Variants in CFAP92 observed in about 807,000 individuals in gnomAD.
CFAP92 encodes cilia and flagella associated protein 92 (putative), also known as uncharacterized protein CFAP92.
Under a neutral mutation model 106.3 loss-of-function variants are expected in CFAP92, and 86 were observed. The observed-to-expected ratio is 0.81, with a 90% CI of 0.68 to 0.97. The LOEUF (loss-of-function observed/expected upper bound fraction) is 0.97, where lower values mean the gene tolerates loss of function less well. Among genes scored for constraint, CFAP92 ranks in the 50% least tolerant of loss-of-function variants. The pLI, the probability that CFAP92 is intolerant of heterozygous loss-of-function variation, is 0.00. For missense variants in CFAP92, 1,204 were observed against 1,283.8 expected, an observed-to-expected ratio of 0.94 and a Z score of 0.95; for synonymous variants, 477 against 506.4, an observed-to-expected ratio of 0.94 and a Z score of 0.78.
Position 128,915,259 on chromosome 3 carries a change from G to T in CFAP92, c.3140C>A (p.Ser1047Tyr). The change falls in exon 15 of 16, where the codon TCC becomes TAC. Residue 1047 changes from serine to tyrosine, a missense_variant. Physicochemically the swap from Ser to Tyr is moderately radical, Grantham distance 144. Transcript: ENST00000645291. ...KELNEEWKEN[S>Y]LFANVLEPVL... ...AGGCTCCAGTACATTAGCAAACAGGGAGTTTTCCTTCCACTCCTAAATTGG... is the reference window on the plus strand; with the variant it reads ...AGGCTCCAGTACATTAGCAAACAGGTAGTTTTCCTTCCACTCCTAAATTGG... The T allele has an allele frequency of 6.5e-7, 1 of 1,536,158 alleles. No individual in the cohort carries two copies. The highest frequency in any genetic ancestry group is 8.7e-7 in the Non-Finnish European group (1 of 1,146,910).
At chr3:129,010,431 G>A in the CFAP92 span, among the ~76,000 whole-genome samples, 720 of 152,256 alleles carry the variant, frequency 4.7e-3, 3 homozygotes, top group Non-Finnish European at 7.7e-3. This position sits in a 1 kb window ranked among gnomAD's most constrained non-coding sequence, Gnocchi z 4.3. Context: ...CAGCTCAGCC[G>A]GAACAGGGAG....
At chr3:128,964,170 T>G in intron 9 of CFAP92, among the ~76,000 whole-genome samples, 1 of 152,198 alleles carries the variant, frequency 6.6e-6, no homozygotes, top group East Asian at 1.9e-4. Flanking sequence ...TTATATCCCT[T>G]ACGGTCCTCC....
chr3:128,983,331 CAT>C (rs1167220421), intron 4 of CFAP92, among the ~76,000 whole-genome samples: 1 of 152,202 alleles, frequency 6.6e-6, no homozygotes, highest in Non-Finnish European at 1.5e-5. Flanking sequence ...GAGCCTGTGA[CAT>C]GTGCTGCCCC....
At chr3:128,927,737 A>T (rs1258984848) in intron 12 of CFAP92, among the ~76,000 whole-genome samples, 2 of 151,946 alleles carry the variant, frequency 1.3e-5, no homozygotes, top group East Asian at 3.9e-4. Context: ...AAAAAAAAAA[A>T]AAATTAATTC....
intron 15 of CFAP92, chr3:128,914,751 G>A: frequency 5.2e-6 from 1 of 192,620 alleles, no homozygotes. Flanking sequence ...GTGAAGCCCA[G>A]AGCCTCTGCC....
At chr3:129,002,209 G>C in intron 1 of CFAP92, 3 of 1,526,694 alleles carry the variant, frequency 2.0e-6, no homozygotes, top group Non-Finnish European at 2.6e-6. Context: ...CCCGACAGCG[G>C]TCCTGACTGT....
Position 128,945,564 on chromosome 3 carries a change from A to G in CFAP92, c.1765T>C (p.Cys589Arg). The G allele has an allele frequency of 6.5e-7, 1 of 1,536,174 alleles. No individual in the cohort carries two copies. The highest frequency in any genetic ancestry group is 2.4e-5 in the East Asian group (1 of 40,918). ...YLNLAVPIHS[C>R]EVQPTHCGQD... Reference sequence around the variant, plus strand: ...CCGCAGTGTGTGGGCTGAACCTCACAGCTGTGGATGGGGACGGCCAGATTC... The same window carrying G: ...CCGCAGTGTGTGGGCTGAACCTCACGGCTGTGGATGGGGACGGCCAGATTC... The change falls in exon 10 of 16, where the codon TGT (cysteine) becomes CGT (arginine). Residue 589 changes from cysteine to arginine, a missense_variant. Transcript: ENST00000645291.
chr3:128,963,832 C>T (rs1301288112), intron 9 of CFAP92, among the ~76,000 whole-genome samples: 2 of 150,514 alleles, frequency 1.3e-5, no homozygotes, highest in African/African-American at 2.5e-5. Context: ...TATTCTACTA[C>T]TCCTCAGGGA....
chr3:128,977,215 A>G, intron 5 of CFAP92, 149 bp from the exon 6 acceptor site: 2 of 647,320 alleles, frequency 3.1e-6, no homozygotes, highest in Non-Finnish European at 5.6e-6. Context: ...AACTGAGTGA[A>G]TGAATAAACA....
Position 128,926,369 on chromosome 3 carries a change from C to G in CFAP92, c.2751+6331G>C, listed in dbSNP as rs138038381. Among the ~76,000 whole-genome samples the G allele has an allele frequency of 7.2e-5, 11 of 152,158 alleles. No homozygotes were observed. In the East Asian group the frequency reaches 2.1e-3, roughly 29 times the overall value. ...CTGTCTCTAAAAATACAAAAATTAG[C>G]CAGGCATGGTGGCACACACCTGTAG... On this transcript the variant is annotated intron_variant, in intron 12 of 15. Transcript: ENST00000645291.
Position 128,943,537 on chromosome 3 carries a change from CTTT to C in CFAP92, c.2258+1531_2258+1533del, listed in dbSNP as rs113886968. Among the ~76,000 whole-genome samples the C allele has an allele frequency of 3.2e-4, 47 of 146,272 alleles. No individual in the cohort carries two copies. In the South Asian group the frequency reaches 9.3e-3, roughly 29 times the overall value. ...AGATATGTGTATCAGTATTTCATTT[CTTT>C]TTTTTTTTTCTTGAGACGGAGTTTC... On this transcript the variant is annotated intron_variant, in intron 10 of 15. Transcript: ENST00000645291.
chr3:128,914,683 T>G (rs1936660872), intron 15 of CFAP92: 1 of 163,724 alleles, frequency 6.1e-6, no homozygotes, highest in Non-Finnish European at 1.3e-5. Context: ...CTACGTTTCC[T>G]GTCTCTGCCT....
chr3:128,943,827 G>C (rs368704401), intron 10 of CFAP92, among the ~76,000 whole-genome samples: 1 of 151,544 alleles, frequency 6.6e-6, no homozygotes, highest in Non-Finnish European at 1.5e-5. Flanking sequence ...GTGAGCCACC[G>C]TGCCTGGCTT....
At chr3:129,013,453 C>G in the CFAP92 span, among the ~76,000 whole-genome samples, 2 of 152,176 alleles carry the variant, frequency 1.3e-5, no homozygotes, top group Non-Finnish European at 2.9e-5. Flanking sequence ...GTCATGCTAC[C>G]TGGAATCTCT....
At chr3:129,012,306 T>G in the CFAP92 span, among the ~76,000 whole-genome samples, 2 of 152,204 alleles carry the variant, frequency 1.3e-5, no homozygotes, top group Admixed American at 1.3e-4. Context: ...TGGCACATAA[T>G]AAGCCCTCCT....
intron 15 of CFAP92, 48 bp downstream of exon 15, chr3:128,915,071 C>G: frequency 6.6e-7 from 1 of 1,518,842 alleles, no homozygotes; most frequent in Non-Finnish European, 8.8e-7. Flanking sequence ...GAGCTCCTGC[C>G]TGCCCACGGC....
Position 128,945,970 on chromosome 3 carries a change from C to A in CFAP92, c.1359G>T (p.Leu453=), listed in dbSNP as rs990700631. Residue 453 remains leucine (L), a synonymous_variant, in exon 10 of 16, where the codon CTG becomes CTT. Coordinates refer to ENST00000645291, the MANE Select transcript of CFAP92 (RefSeq NM_001394090.1). ...GGTACTTGCAGTACACAGGCATGCA[C>A]AGCCTCTACGAGAGAGCAGGGCCAC... ...QPVPIQELER[L]CMPVYCKYQF... 7.7e-6 allele frequency: 11 copies of A among 1,437,888 alleles called. No individual in the cohort carries two copies. Among genetic ancestry groups the A allele is most frequent in the Non-Finnish European group, 1.0e-5 (11 of 1,101,574 alleles). The allele number at this position is 1,437,888 out of a possible 1,614,324, so 89.1% of individuals were successfully genotyped here.
At chr3:129,022,646 GC>G in the CFAP92 span, among the ~76,000 whole-genome samples, 1 of 152,192 alleles carries the variant, frequency 6.6e-6, no homozygotes, top group African/African-American at 2.4e-5. Context: ...TCTGGGGTCT[GC>G]CAGGAAGTGA....
In CFAP92 at chr3:128,909,990, G is replaced by A. The variant is rs906843659; in HGVS notation, c.*309C>T. 5 of 1,611,038 alleles carry A rather than the reference G, an allele frequency of 3.1e-6. No individual in the cohort carries two copies. The highest frequency in any genetic ancestry group is 4.2e-6 in the Non-Finnish European group (5 of 1,179,092). ...CATGTGGGGGACTGGTCTAGGTAGT[G>A]AGTCCCCACTTGGAGCCTCTGTGAT... On this transcript the variant is annotated 3_prime_UTR_variant, in exon 16 of 16. Transcript: ENST00000645291.
Sources: allele counts gnomAD v4.1 joint callset (sites outside exome capture counted in the v4.1 genomes callset), GRCh38; gene constraint gnomAD v4.1.1; non-coding constraint Gnocchi (gnomAD v3.1); transcripts MANE v1.5; gene names NCBI Gene and HGNC (gene_info 2026-07-23, HGNC 2026-07-21).